ZNF469: variants seen among roughly 807,000 people sequenced by gnomAD.
ZNF469 encodes zinc finger protein 469.
In ZNF469, 1 loss-of-function variant was observed where a neutral mutation model predicts 1.0. That is an observed-to-expected ratio of 1.00 (90% CI 0.35 to 4.73). The LOEUF (loss-of-function observed/expected upper bound fraction) is 4.73, where lower values mean the gene tolerates loss of function less well. Ranked by LOEUF, ZNF469 falls within the 30% of genes most tolerant of loss-of-function variation. The probability of loss-of-function intolerance (pLI) is 0.16; values close to 1 mark genes in which losing one functional copy is unlikely to be tolerated. For synonymous variants in ZNF469, 2,703 were observed against 2,363.4 expected, an observed-to-expected ratio of 1.14 and a Z score of -4.17; for missense variants, 6,100 against 5,356.3, an observed-to-expected ratio of 1.14 and a Z score of -4.33.
the ZNF469 span, among the ~76,000 whole-genome samples, chr16:88,109,440 A>T: frequency 6.6e-6 from 1 of 152,258 alleles, no homozygotes; most frequent in Non-Finnish European, 1.5e-5. Flanking sequence ...CTCCGATGTC[A>T]CGTGGATCAG....
chr16:88,377,564 G>A, the ZNF469 span, among the ~76,000 whole-genome samples: 411 of 152,320 alleles, frequency 2.7e-3, 3 homozygotes, highest in African/African-American at 9.1e-3. Flanking sequence ...GCCACCATCC[G>A]TCTGGAATGT....
At chr16:88,163,780 C>T in the ZNF469 span, among the ~76,000 whole-genome samples, 302 of 150,706 alleles carry the variant, frequency 2.0e-3, no homozygotes, top group African/African-American at 6.9e-3. Flanking sequence ...TGGATAGATG[C>T]CTGAAAGGGT....
At chr16:88,402,621 T>C (rs953973942) in intron 1 of ZNF469, among the ~76,000 whole-genome samples, 2 of 152,152 alleles carry the variant, frequency 1.3e-5, no homozygotes, top group African/African-American at 2.4e-5. Flanking sequence ...GCAGTTGACC[T>C]GGGTCTGCCC....
chr16:88,315,818 G>A, the ZNF469 span, among the ~76,000 whole-genome samples: 2 of 152,208 alleles, frequency 1.3e-5, no homozygotes, highest in African/African-American at 4.8e-5. Flanking sequence ...GGCCAAGGGG[G>A]TGGGAGACAC....
chr16:88,205,028 G>T, the ZNF469 span, among the ~76,000 whole-genome samples: 1 of 152,122 alleles, frequency 6.6e-6, no homozygotes, highest in African/African-American at 2.4e-5. This position sits in a 1 kb window ranked among gnomAD's most constrained non-coding sequence, Gnocchi z 4.2. Context: ...AGCGCCGAGG[G>T]AGCAGAGCCT....
the ZNF469 span, among the ~76,000 whole-genome samples, chr16:88,188,064 C>G: frequency 6.6e-6 from 1 of 152,092 alleles, no homozygotes; most frequent in African/African-American, 2.4e-5. Context: ...AGCTCAGGGC[C>G]TGGCCCTAAG....
At chr16:88,273,944 C>T in the ZNF469 span, among the ~76,000 whole-genome samples, 1 of 152,264 alleles carries the variant, frequency 6.6e-6, no homozygotes, top group Middle Eastern at 3.4e-3. Context: ...AGCTGGACTA[C>T]AGGCACCTGC....
the ZNF469 span, among the ~76,000 whole-genome samples, chr16:88,353,488 G>A: frequency 3.3e-5 from 5 of 152,166 alleles, no homozygotes; most frequent in South Asian, 2.1e-4. Flanking sequence ...AGCCACCAGC[G>A]GCTTCCTGCC....
the ZNF469 span, among the ~76,000 whole-genome samples, chr16:88,203,345 C>A: frequency 2.4e-4 from 36 of 152,286 alleles, no homozygotes; most frequent in African/African-American, 7.9e-4. Flanking sequence ...GGCCCTCCCC[C>A]ACCACCGTCA....
At chr16:88,421,158 G>A (rs978142154) in intron 1 of ZNF469, among the ~76,000 whole-genome samples, 29 of 152,270 alleles carry the variant, frequency 1.9e-4, no homozygotes, top group South Asian at 4.1e-4. Context: ...TGGGGCAGAA[G>A]CGTGGGGGCA....
At position 88,431,014 on chromosome 16, in the gene ZNF469, G is replaced by A; in HGVS notation, c.3544G>A (p.Ala1182Thr). ...RGPSRSLETG[A>T]AAREGGPKCA... The stretch of plus-strand genomic sequence containing the variant: ...CCCGTCTCGAAGCCTGGAGACGGGA[G>A]CGGCCGCCAGGGAGGGAGGCCCCAA... Residue 1182 changes from alanine to threonine, a missense_variant, in exon 3 of 3, where the codon GCG becomes ACG. Transcript: ENST00000565624. 6.5e-7 allele frequency: 1 copy of A among 1,543,850 alleles called. No individual in the cohort carries two copies. The highest frequency in any genetic ancestry group is 8.7e-7 in the Non-Finnish European group (1 of 1,146,608).
At chr16:88,175,952 C>T in the ZNF469 span, among the ~76,000 whole-genome samples, 36 of 152,320 alleles carry the variant, frequency 2.4e-4, no homozygotes, top group African/African-American at 7.2e-4. Context: ...TTAATCTGTA[C>T]GATTATCCTT....
At chr16:88,407,276 G>C (rs1255866250) in intron 1 of ZNF469, among the ~76,000 whole-genome samples, 1 of 152,230 alleles carries the variant, frequency 6.6e-6, no homozygotes, top group African/African-American at 2.4e-5. Flanking sequence ...CACTTCCAGG[G>C]ATCCGTCCGG....
At chr16:88,233,301 G>A in the ZNF469 span, among the ~76,000 whole-genome samples, 3 of 152,240 alleles carry the variant, frequency 2.0e-5, no homozygotes, top group Admixed American at 2.0e-4. Flanking sequence ...GGGCTTGGGA[G>A]GAAATCGCCA....
the ZNF469 span, among the ~76,000 whole-genome samples, chr16:88,126,318 C>T: frequency 6.7e-6 from 1 of 150,342 alleles, no homozygotes; most frequent in African/African-American, 2.4e-5. Flanking sequence ...CTTTACTGTA[C>T]TGGCTGGAAC....
the ZNF469 span, among the ~76,000 whole-genome samples, chr16:88,296,736 C>G: frequency 1.3e-5 from 2 of 150,024 alleles, no homozygotes; most frequent in Non-Finnish European, 1.5e-5. Flanking sequence ...ATGCTCCACC[C>G]ACACACACAT....
At chr16:88,261,300 C>T in the ZNF469 span, among the ~76,000 whole-genome samples, 1 of 152,218 alleles carries the variant, frequency 6.6e-6, no homozygotes, top group Non-Finnish European at 1.5e-5. The surrounding 1 kb of genome is among the most constrained non-coding windows in gnomAD (Gnocchi z 6.0). Context: ...GCCACCGCCC[C>T]TCACACGGCA....
Position 88,437,451 on chromosome 16 carries a change from G to T in ZNF469, c.9981G>T (p.Pro3327=), listed in dbSNP as rs1230281600. ...GGGAGCCCCTCCTGCAAGCCACCCCGGTGCACGAGGCCTGCAAGGACCCCT... is the reference window on the plus strand; with the variant it reads ...GGGAGCCCCTCCTGCAAGCCACCCCTGTGCACGAGGCCTGCAAGGACCCCT... The part of the protein sequence containing the change: ...AGGEPLLQAT[P]VHEACKDPSR... The change falls in exon 3 of 3, where the codon CCG becomes CCT. Residue 3327 remains proline (P), a synonymous_variant. Coordinates refer to ENST00000565624, the MANE Select transcript of ZNF469 (RefSeq NM_001367624.2). The T allele has an allele frequency of 1.3e-6, 2 of 1,526,310 alleles. No homozygotes were observed. The highest frequency in any genetic ancestry group is 1.2e-5 in the South Asian group (1 of 82,372). 94.5% of individuals were successfully genotyped at this position (1,526,310 alleles called of 1,614,324 possible).
chr16:88,439,721 A>G lies in ZNF469; in HGVS notation c.*389A>G. The stretch of plus-strand genomic sequence containing the variant: ...CCCGTTCCCCCACATGGAGAAGGGA[A>G]GTAAGTTGAGGCAGCCGTGGGATGG... On this transcript the variant is annotated 3_prime_UTR_variant, in exon 3 of 3. Coordinates refer to ENST00000565624, the MANE Select transcript of ZNF469 (RefSeq NM_001367624.2). 2 of 290,770 alleles carry G rather than the reference A, an allele frequency of 6.9e-6. No homozygotes were observed. Among genetic ancestry groups the G allele is most frequent in the Non-Finnish European group, 1.3e-5 (2 of 152,070 alleles). The allele number at this position is 290,770 out of a possible 1,614,324, so 18.0% of individuals were successfully genotyped here.
Sources: allele counts gnomAD v4.1 joint callset (sites outside exome capture counted in the v4.1 genomes callset), GRCh38; gene constraint gnomAD v4.1.1; non-coding constraint Gnocchi (gnomAD v3.1); transcripts MANE v1.5; gene names NCBI Gene and HGNC (gene_info 2026-07-23, HGNC 2026-07-21).